Variants in ZC3H12B observed in about 807,000 individuals in gnomAD.
The protein encoded by ZC3H12B is probable ribonuclease ZC3H12B.
In ZC3H12B, 7 loss-of-function variants were observed where a neutral mutation model predicts 43.9. The ratio of observed to expected loss-of-function variants is 0.16; its 90% CI spans 0.09 to 0.30. The LOEUF is 0.30. Among genes scored for constraint, ZC3H12B ranks in the 10% least tolerant of loss-of-function variants. ZC3H12B has a pLI of 1.00. For synonymous variants in ZC3H12B, 222 were observed against 241.7 expected (o/e 0.92, Z 0.76); for missense variants, 475 against 670.2 (o/e 0.71, Z 3.22).
the ZC3H12B span, among the ~76,000 whole-genome samples, chrX:65,143,562 C>CTT: frequency 6.2e-5 from 6 of 97,281 alleles, no homozygotes; most frequent in African/African-American, 7.4e-5. Flanking sequence ...GGTGAATTAT[C>CTT]TTTTTTTTTT....
At chrX:65,149,795 AAT>A in the ZC3H12B span, among the ~76,000 whole-genome samples, 2 of 103,952 alleles carry the variant, frequency 1.9e-5, no homozygotes, top group Non-Finnish European at 3.9e-5. Context: ...TAATAATAAT[AAT>A]AATAATAATA....
chrX:65,125,533 ACTTT>A, the ZC3H12B span, among the ~76,000 whole-genome samples: 16 of 111,039 alleles, frequency 1.4e-4, no homozygotes, highest in Admixed American at 2.9e-4. Flanking sequence ...TTTTTTGTTA[ACTTT>A]CTTTCTTGAT....
the ZC3H12B span, among the ~76,000 whole-genome samples, chrX:65,170,799 G>A: frequency 2.7e-5 from 3 of 111,639 alleles, no homozygotes; most frequent in African/African-American, 9.8e-5. Flanking sequence ...TTCAATCACT[G>A]ATATCCTTGC....
chrX:65,191,593 G>GTT, the ZC3H12B span, among the ~76,000 whole-genome samples: 215 of 104,019 alleles, frequency 2.1e-3, no homozygotes, highest in African/African-American at 8.1e-3. Context: ...GCATAGAGGT[G>GTT]TTTGTAGTAT....
At chrX:65,460,442 T>A (rs181304280) in intron 3 of ZC3H12B, among the ~76,000 whole-genome samples, 305 of 111,880 alleles carry the variant, frequency 2.7e-3, no homozygotes, top group African/African-American at 9.0e-3. Flanking sequence ...GGCATCACAC[T>A]ACCTAACTTC....
chrX:65,377,938 A>T (rs1396506658), intron 2 of ZC3H12B, among the ~76,000 whole-genome samples: 1 of 110,390 alleles, frequency 9.1e-6, no homozygotes, highest in Admixed American at 9.7e-5. Context: ...CTCTACTAAA[A>T]ATTCAAAAAA....
the ZC3H12B span, among the ~76,000 whole-genome samples, chrX:65,214,178 G>T: frequency 9.0e-6 from 1 of 111,002 alleles, no homozygotes; most frequent in Non-Finnish European, 1.9e-5. Context: ...GACTGATCAG[G>T]GTGACTGATA....
At chrX:65,159,108 C>T in the ZC3H12B span, among the ~76,000 whole-genome samples, 366 of 111,587 alleles carry the variant, frequency 3.3e-3, 3 homozygotes, top group African/African-American at 0.011. Context: ...TTTCTGAGGT[C>T]TCTGTTCTGT....
At chrX:65,098,820 C>G in the ZC3H12B span, among the ~76,000 whole-genome samples, 1 of 110,728 alleles carries the variant, frequency 9.0e-6, no homozygotes, top group African/African-American at 3.3e-5. Context: ...TGGGCAGACA[C>G]AGAGCTAGCT....
the ZC3H12B span, among the ~76,000 whole-genome samples, chrX:65,180,573 A>T: frequency 3.6e-5 from 4 of 111,850 alleles, no homozygotes; most frequent in Non-Finnish European, 3.8e-5. Context: ...AAGTCTCAGG[A>T]TACAGAATCA....
At chrX:65,348,808 G>A in the ZC3H12B span, among the ~76,000 whole-genome samples, 29 of 111,124 alleles carry the variant, frequency 2.6e-4, no homozygotes, top group East Asian at 4.2e-3. Flanking sequence ...TCAATGCAGC[G>A]AGAAGAGCTA....
At chrX:65,450,963 A>T (rs1311502668) in intron 3 of ZC3H12B, among the ~76,000 whole-genome samples, 1 of 102,887 alleles carries the variant, frequency 9.7e-6, no homozygotes, top group Admixed American at 1.1e-4. Flanking sequence ...GAAAAGCAAT[A>T]GTATTAATTC....
the ZC3H12B span, among the ~76,000 whole-genome samples, chrX:65,115,298 A>G: frequency 1.8e-5 from 2 of 110,010 alleles, no homozygotes; most frequent in African/African-American, 6.6e-5. Context: ...TGAAAACATG[A>G]TGATATTTGG....
chrX:65,252,361 C>T, the ZC3H12B span, among the ~76,000 whole-genome samples: 1 of 111,644 alleles, frequency 9.0e-6, no homozygotes, highest in South Asian at 3.7e-4. Context: ...AGGATTTTTG[C>T]ATCAATGTTC....
chrX:65,203,830 C>G, the ZC3H12B span, among the ~76,000 whole-genome samples: 3 of 111,556 alleles, frequency 2.7e-5, no homozygotes, highest in Non-Finnish European at 5.7e-5. Flanking sequence ...TCCTTATGGT[C>G]TAGGCTGCCT....
chrX:65,463,580 A>C (rs773224664), intron 3 of ZC3H12B, among the ~76,000 whole-genome samples: 1 of 110,751 alleles, frequency 9.0e-6, no homozygotes, highest in South Asian at 4.0e-4. Context: ...CTCTTTCCGG[A>C]GTTTATAAGA....
intron 3 of ZC3H12B, among the ~76,000 whole-genome samples, chrX:65,416,013 T>C (rs1054715662): frequency 1.8e-5 from 2 of 111,986 alleles, no homozygotes; most frequent in Non-Finnish European, 3.8e-5. Flanking sequence ...TTGATGAAAA[T>C]ATTTCTAAAA....
the ZC3H12B span, among the ~76,000 whole-genome samples, chrX:65,217,482 C>A: frequency 8.9e-6 from 1 of 111,779 alleles, no homozygotes; most frequent in East Asian, 2.8e-4. Flanking sequence ...AGTGACCAAT[C>A]CTGTAGTTAT....
chrX:65,197,361 C>A, the ZC3H12B span, among the ~76,000 whole-genome samples: 2 of 112,511 alleles, frequency 1.8e-5, no homozygotes, highest in East Asian at 5.6e-4. Context: ...TCCTTGTTTA[C>A]AAGCGACATC....
Sources: gnomAD v4.1 joint callset for allele counts (sites outside exome capture counted in the v4.1 genomes callset) on GRCh38, gnomAD v4.1.1 for gene constraint, MANE v1.5 for transcripts, NCBI Gene and HGNC (gene_info 2026-07-23, HGNC 2026-07-21) for gene names.